The following KIRREL3 variants were observed in gnomAD, a reference collection of about 807,000 sequenced individuals.
The protein encoded by KIRREL3 is kirre like nephrin family adhesion molecule 3, also known as kin of IRRE-like protein 3.
In KIRREL3, 36 loss-of-function variants were observed where a neutral mutation model predicts 89.7. That is an observed-to-expected ratio of 0.40 (90% CI 0.31 to 0.53). The LOEUF (loss-of-function observed/expected upper bound fraction) is 0.53, where lower values mean the gene tolerates loss of function less well. Ranked by LOEUF, KIRREL3 falls within the 20% of genes least tolerant of loss-of-function variation. The pLI, the probability that KIRREL3 is intolerant of heterozygous loss-of-function variation, is 0.49. For synonymous variants in KIRREL3, 445 were observed against 441.4 expected (o/e 1.01, Z -0.10); for missense variants, 864 against 1,056.6 (o/e 0.82, Z 2.53).
At position 126,769,663 on chromosome 11, in the gene KIRREL3, A is replaced by C. The variant is rs539794555; in HGVS notation, c.56-206751T>G. Among the ~76,000 whole-genome samples, 1 of 152,190 alleles carries C rather than the reference A, an allele frequency of 6.6e-6. No individual in the cohort carries two copies. Among genetic ancestry groups the C allele is most frequent in the African/African-American group, 2.4e-5 (1 of 41,444 alleles). ...AAATGATTTCTGAATATCCTGCACA[A>C]TGCTAGGCCCTGTGAAGGACAAGCA... is the stretch of plus-strand genomic sequence containing the variant. On this transcript the variant is annotated intron_variant, in intron 1 of 16. Coordinates refer to ENST00000525144, the MANE Select transcript of KIRREL3 (RefSeq NM_032531.4). The surrounding 1 kb of genome is among the most constrained non-coding windows in gnomAD (Gnocchi z 4.3).
chr11:126,781,331 C>T (rs1048011202), intron 1 of KIRREL3, among the ~76,000 whole-genome samples: 3 of 152,084 alleles, frequency 2.0e-5, no homozygotes, highest in African/African-American at 4.8e-5. Flanking sequence ...CACACATACT[C>T]GTTACAGAAA....
chr11:126,974,515 TAGGCTACATGGTATAGCCCATTACACACC>T (rs1949515919), intron 1 of KIRREL3, among the ~76,000 whole-genome samples: 1 of 92,362 alleles, frequency 1.1e-5, no homozygotes, highest in Non-Finnish European at 2.4e-5. Flanking sequence ...GTTACACACC[TAGGCTACATGGTATAGCCCATTACACACC>T]TAGGCTACAT....
chr11:126,667,983 G>A (rs1204658007), intron 1 of KIRREL3, among the ~76,000 whole-genome samples: 1 of 152,176 alleles, frequency 6.6e-6, no homozygotes, highest in Admixed American at 6.5e-5. Context: ...AGGCTGTTTG[G>A]TCACACTGTT....
chr11:126,514,182 C>G (rs917763690), intron 4 of KIRREL3, among the ~76,000 whole-genome samples: 1 of 152,082 alleles, frequency 6.6e-6, no homozygotes, highest in African/African-American at 2.4e-5. Flanking sequence ...CCATGTGGAA[C>G]CTCAGGAGAT....
At chr11:126,542,491 T>A (rs367738936) in intron 2 of KIRREL3, among the ~76,000 whole-genome samples, 21 of 152,328 alleles carry the variant, frequency 1.4e-4, no homozygotes, top group Admixed American at 4.6e-4. Flanking sequence ...AATATGGATA[T>A]GTTTGATGTT....
At chr11:126,858,519 C>T (rs1944609074) in intron 1 of KIRREL3, among the ~76,000 whole-genome samples, 1 of 152,182 alleles carries the variant, frequency 6.6e-6, no homozygotes, top group Non-Finnish European at 1.5e-5. Context: ...CTGTCTCTGT[C>T]TCTTTTTCTC....
At chr11:126,899,944 T>G (rs575309497) in intron 1 of KIRREL3, among the ~76,000 whole-genome samples, 12 of 152,372 alleles carry the variant, frequency 7.9e-5, no homozygotes, top group Admixed American at 2.6e-4. Flanking sequence ...GCTTTCCTAG[T>G]GCTCAAATCT....
chr11:126,473,212 T>G, intron 5 of KIRREL3, 97 bp downstream of exon 5: 1 of 597,802 alleles, frequency 1.7e-6, no homozygotes, highest in Non-Finnish European at 2.2e-6. Context: ...CCTCCTTACC[T>G]AGCCTCCTCC....
chr11:126,853,858 A>G (rs1267417638), intron 1 of KIRREL3, among the ~76,000 whole-genome samples: 1 of 152,156 alleles, frequency 6.6e-6, no homozygotes, highest in Non-Finnish European at 1.5e-5. Context: ...CATTTCAGAG[A>G]TTAAGAATAC....
At chr11:126,592,241 A>G (rs1217442583) in intron 1 of KIRREL3, among the ~76,000 whole-genome samples, 3 of 152,172 alleles carry the variant, frequency 2.0e-5, no homozygotes, top group Non-Finnish European at 4.4e-5. Context: ...CCTTATAACA[A>G]CACAATACTA....
intron 1 of KIRREL3, among the ~76,000 whole-genome samples, chr11:126,937,648 C>A (rs1313462498): frequency 6.6e-6 from 1 of 152,196 alleles, no homozygotes; most frequent in Non-Finnish European, 1.5e-5. Flanking sequence ...TGCCTGTAAT[C>A]CCAGCACTTT....
Position 126,687,350 on chromosome 11 carries a change from C to T in KIRREL3, c.56-124438G>A, listed in dbSNP as rs1321387965. On this transcript the variant is annotated intron_variant, in intron 1 of 16. Coordinates refer to ENST00000525144, the MANE Select transcript of KIRREL3 (RefSeq NM_032531.4). This position sits in a 1 kb window ranked among gnomAD's most constrained non-coding sequence, Gnocchi z 4.6. ...GGAAAAATCAACGCATACCTCCCAA[C>T]ATAACATCCCCAAATTTACCTAGCC... Among the ~76,000 whole-genome samples the T allele has an allele frequency of 6.6e-6, 1 of 152,166 alleles. No individual in the cohort carries two copies. Among genetic ancestry groups the T allele is most frequent in the East Asian group, 1.9e-4 (1 of 5,192 alleles).
At position 126,675,252 on chromosome 11, in the gene KIRREL3, C is replaced by G. The variant is rs559939095; in HGVS notation, c.56-112340G>C. Among the ~76,000 whole-genome samples, 16 of 152,330 alleles carry G rather than the reference C, an allele frequency of 1.1e-4. No individual in the cohort carries two copies. In the South Asian group the frequency reaches 2.7e-3, roughly 26 times the overall value. ...ATCTGACCTTCTATGTTTCCAGCTA[C>G]TATTTATGTCTTTAGAAATGGTTTT... On this transcript the variant is annotated intron_variant, in intron 1 of 16. Coordinates refer to ENST00000525144, the MANE Select transcript of KIRREL3 (RefSeq NM_032531.4).
At chr11:126,691,449 T>G (rs2135133419) in intron 1 of KIRREL3, among the ~76,000 whole-genome samples, 1 of 152,276 alleles carries the variant, frequency 6.6e-6, no homozygotes, top group Non-Finnish European at 1.5e-5. Context: ...ATAATAAACC[T>G]CAGTCAAAAT....
intron 1 of KIRREL3, among the ~76,000 whole-genome samples, chr11:126,921,844 C>G (rs1020061809): frequency 1.6e-4 from 24 of 150,230 alleles, no homozygotes; most frequent in Admixed American, 2.0e-4. Context: ...TATTATCTAT[C>G]TATCATCTAT....
chr11:126,909,550 G>A lies in KIRREL3; in HGVS notation c.55+90905C>T, dbSNP rs879431252. ...AGATACACCGCCCACAATACACCCC[G>A]TGGGTAATTAACAACCGAGAAAGGG... is the stretch of plus-strand genomic sequence containing the variant. On this transcript the variant is annotated intron_variant, in intron 1 of 16. Coordinates refer to ENST00000525144, the MANE Select transcript of KIRREL3 (RefSeq NM_032531.4). This position sits in a 1 kb window ranked among gnomAD's most constrained non-coding sequence, Gnocchi z 4.5. 3.3e-5 allele frequency among the ~76,000 whole-genome samples: 5 copies of A among 152,118 alleles called. No homozygotes were observed. Among genetic ancestry groups the A allele is most frequent in the Non-Finnish European group, 5.9e-5 (4 of 68,028 alleles).
chr11:126,913,621 C>G (rs561384464), intron 1 of KIRREL3, among the ~76,000 whole-genome samples: 1 of 152,210 alleles, frequency 6.6e-6, no homozygotes, highest in Admixed American at 6.5e-5. Flanking sequence ...CTTCATCAAG[C>G]GGTACCTAAC....
chr11:126,949,858 C>T (rs2135143075), intron 1 of KIRREL3, among the ~76,000 whole-genome samples: 1 of 152,296 alleles, frequency 6.6e-6, no homozygotes, highest in South Asian at 2.1e-4. Context: ...ACAACACAGC[C>T]CTTTCCTCTA....
At chr11:126,542,368 A>G (rs1033172496) in intron 2 of KIRREL3, among the ~76,000 whole-genome samples, 2 of 152,242 alleles carry the variant, frequency 1.3e-5, no homozygotes, top group African/African-American at 4.8e-5. Context: ...TATCTTTGTT[A>G]GTGGAGAAGA....
Sources: allele counts gnomAD v4.1 joint callset (sites outside exome capture counted in the v4.1 genomes callset), GRCh38; gene constraint gnomAD v4.1.1; non-coding constraint Gnocchi (gnomAD v3.1); transcripts MANE v1.5; gene names NCBI Gene and HGNC (gene_info 2026-07-23, HGNC 2026-07-21).